PIKFYVE: variants seen among roughly 807,000 people sequenced by gnomAD.
PIKFYVE encodes 1-phosphatidylinositol 3-phosphate 5-kinase.
PIKFYVE carries 122 observed loss-of-function variants against 257.9 expected under a neutral mutation model. That is an observed-to-expected ratio of 0.47 (90% CI 0.41 to 0.55). The LOEUF is 0.55. Ranked by LOEUF, PIKFYVE falls within the 20% of genes least tolerant of loss-of-function variation. The pLI, the probability that PIKFYVE is intolerant of heterozygous loss-of-function variation, is 0.00. For missense variants in PIKFYVE, 2,160 were observed against 2,536.6 expected, an observed-to-expected ratio of 0.85 and a Z score of 3.19; for synonymous variants, 892 against 868.9, an observed-to-expected ratio of 1.03 and a Z score of -0.47.
intron 8 of PIKFYVE, 24 bp downstream of exon 8, chr2:208,298,803 C>G: frequency 6.2e-7 from 1 of 1,613,166 alleles, no homozygotes; most frequent in Non-Finnish European, 8.5e-7. Flanking sequence ...ATCTTTGACC[C>G]ATTGCTAGTT....
chr2:208,301,590 A>G (rs1693691132), intron 9 of PIKFYVE, among the ~76,000 whole-genome samples: 1 of 152,256 alleles, frequency 6.6e-6, no homozygotes, highest in Admixed American at 6.5e-5. Flanking sequence ...TCATGGGAAG[A>G]AAAAGGTACG....
In PIKFYVE at chr2:208,277,661, G is replaced by A. The variant is rs1393095004; in HGVS notation, c.566G>A (p.Ser189Asn). The change falls in exon 5 of 42, where the codon AGT (serine) becomes AAT (asparagine). Residue 189 changes from serine to asparagine, a missense_variant. Around this residue, in one of 12 missense-constraint regions of PIKFYVE, gnomAD observed 28 missense variants for 68.2 expected, o/e 0.41. Transcript: ENST00000264380. Reference protein sequence around the residue: ...HCRLCGQIFCSRCCNQEIPGK... With the variant: ...HCRLCGQIFCNRCCNQEIPGK... ...CGACTATGTGGGCAGATTTTCTGCA[G>A]TCGTTGCTGTAATCAAGAAATCCCT... 3 of 1,613,800 alleles carry A rather than the reference G, an allele frequency of 1.9e-6. No individual in the cohort carries two copies. The Admixed American group carries it at 5.0e-5, about 27-fold the overall frequency.
At chr2:208,344,985 AATT>A in intron 32 of PIKFYVE, 123 bp from the exon 33 acceptor site, 1 of 707,704 alleles carries the variant, frequency 1.4e-6, no homozygotes, top group Non-Finnish European at 2.4e-6. Context: ...AGTTAACCAA[AATT>A]ATTTAATTAT....
chr2:208,315,232 G>C lies in PIKFYVE; in HGVS notation c.1866G>C (p.Gln622His), dbSNP rs1417301954. Reference protein sequence around the residue: ...NHNHMMALLQQLLHSDSLSSS... With the variant: ...NHNHMMALLQHLLHSDSLSSS... ...ACCACATGATGGCACTACTCCAGCA[G>C]TTGCTCCATAGTGACTCACTGTCAT... The change falls in exon 15 of 42, where the codon CAG becomes CAC. Residue 622 changes from glutamine (Q) to histidine (H), a missense_variant. Physicochemically the swap from Gln to His is conservative, Grantham distance 24. Around this residue, in one of 12 missense-constraint regions of PIKFYVE, gnomAD observed 346 missense variants for 365.6 expected, o/e 0.95. Coordinates refer to ENST00000264380, the MANE Select transcript of PIKFYVE (RefSeq NM_015040.4). 8 of 1,613,984 alleles carry C rather than the reference G, an allele frequency of 5.0e-6. No homozygotes were observed. Among genetic ancestry groups the C allele is most frequent in the Non-Finnish European group, 5.9e-6 (7 of 1,180,000 alleles).
At chr2:208,343,587 A>T (rs1468654122) in intron 32 of PIKFYVE, among the ~76,000 whole-genome samples, 1 of 152,204 alleles carries the variant, frequency 6.6e-6, no homozygotes, top group East Asian at 1.9e-4. Context: ...AATATACTAC[A>T]ACAAAAGTTA....
chr2:208,345,811 G>A (rs1465923250), intron 33 of PIKFYVE, among the ~76,000 whole-genome samples: 2 of 152,058 alleles, frequency 1.3e-5, no homozygotes, highest in East Asian at 3.8e-4. Context: ...GAAACATAAT[G>A]TATTCCTCCA....
chr2:208,305,466 A>G (rs1259483763), intron 12 of PIKFYVE: 3 of 943,080 alleles, frequency 3.2e-6, no homozygotes, highest in African/African-American at 1.8e-5. Flanking sequence ...TCATTCACAC[A>G]TTCCAAAATA....
rs1339666509 is a variant in PIKFYVE at position 208,324,139 on chromosome 2, TAGGAA to T, written c.2192_2196del (p.Glu731GlyfsTer12). 6.2e-7 allele frequency: 1 copy of T among 1,612,880 alleles called. No homozygotes were observed. The highest frequency in any genetic ancestry group is 8.5e-7 in the Non-Finnish European group (1 of 1,178,868). The stretch of plus-strand genomic sequence containing the variant: ...TGTAATATTTCTGATTTATCTTACT[TAGGAA>T]AGGGAATTCTTGAAGAATTATGTCC... On this transcript the variant is annotated splice_acceptor_variant and coding_sequence_variant, in exon 18 of 42. Transcript: ENST00000264380. LOFTEE classifies it high-confidence loss of function.
At chr2:208,306,995 T>C (rs1694405154) in intron 12 of PIKFYVE, among the ~76,000 whole-genome samples, 1 of 152,136 alleles carries the variant, frequency 6.6e-6, no homozygotes, top group Non-Finnish European at 1.5e-5. Context: ...GCCAGGCTGG[T>C]CTTGAACTCC....
intron 20 of PIKFYVE, 77 bp downstream of exon 20, chr2:208,326,506 T>G: frequency 6.7e-7 from 1 of 1,486,184 alleles, no homozygotes; most frequent in Non-Finnish European, 9.3e-7. Flanking sequence ...GCTAAAAAAA[T>G]CAGTTTGGCA....
intron 1 of PIKFYVE, among the ~76,000 whole-genome samples, chr2:208,266,722 T>C (rs1407948432): frequency 1.3e-5 from 2 of 152,184 alleles, no homozygotes; most frequent in African/African-American, 2.4e-5. Flanking sequence ...TGAACTTAAT[T>C]AGGAGGGGAA....
chr2:208,307,586 TTTA>T (rs1694479092), intron 12 of PIKFYVE, among the ~76,000 whole-genome samples: 1 of 152,024 alleles, frequency 6.6e-6, no homozygotes. Context: ...TTTTTTTTTT[TTTA>T]AAGATGGGTT....
chr2:208,325,540 C>T lies in PIKFYVE; in HGVS notation c.2729C>T (p.Ser910Phe), dbSNP rs757784427. 2 of 1,614,124 alleles carry T rather than the reference C, an allele frequency of 1.2e-6. No homozygotes were observed. Among genetic ancestry groups the T allele is most frequent in the Admixed American group, 3.3e-5 (2 of 60,018 alleles). ...GTCCAAGAGCAGTACGGTGGAGGTT[C>T]CATCCCCTGGGATCCTGACATCCCT... is the stretch of plus-strand genomic sequence containing the variant. ...GAVQEQYGGGSIPWDPDIPPE... is the reference protein window; with the variant it reads ...GAVQEQYGGGFIPWDPDIPPE... The change falls in exon 20 of 42, where the codon TCC (serine) becomes TTC (phenylalanine). Residue 910 changes from serine (S) to phenylalanine (F), a missense_variant. Physicochemically the swap from Ser to Phe is radical, Grantham distance 155. Around this residue, in one of 12 missense-constraint regions of PIKFYVE, gnomAD observed 522 missense variants for 514.6 expected, o/e 1.01. Coordinates refer to ENST00000264380, the MANE Select transcript of PIKFYVE (RefSeq NM_015040.4).
intron 17 of PIKFYVE, among the ~76,000 whole-genome samples, chr2:208,320,987 A>C (rs1696139200): frequency 1.3e-5 from 2 of 152,212 alleles, no homozygotes. Flanking sequence ...TCAGAGCTCC[A>C]TTTCTAGTTG....
intron 12 of PIKFYVE, among the ~76,000 whole-genome samples, chr2:208,311,243 T>G (rs1025220266): frequency 3.3e-5 from 5 of 152,192 alleles, no homozygotes; most frequent in Non-Finnish European, 2.9e-5. Context: ...GATTTGGTGT[T>G]ACTCATTCCT....
intron 3 of PIKFYVE, among the ~76,000 whole-genome samples, chr2:208,276,463 A>G (rs1012099959): frequency 2.0e-5 from 3 of 152,176 alleles, no homozygotes; most frequent in African/African-American, 4.8e-5. Flanking sequence ...AAAACCATCA[A>G]TGGTCTCAGA....
At chr2:208,345,952 A>G (rs1272721992) in intron 33 of PIKFYVE, 98 bp from the exon 34 acceptor site, 1 of 818,862 alleles carries the variant, frequency 1.2e-6, no homozygotes, top group Non-Finnish European at 2.1e-6. Context: ...TTAGGTAGGA[A>G]GTAAATCAGT....
intron 39 of PIKFYVE, among the ~76,000 whole-genome samples, chr2:208,353,466 T>C (rs977986183): frequency 1.3e-5 from 2 of 152,184 alleles, no homozygotes; most frequent in Non-Finnish European, 2.9e-5. Flanking sequence ...TCCTGTGTTA[T>C]GCTCTTCTAC....
At chr2:208,317,479 C>A (rs1424005156) in intron 15 of PIKFYVE, among the ~76,000 whole-genome samples, 1 of 151,928 alleles carries the variant, frequency 6.6e-6, no homozygotes, top group Non-Finnish European at 1.5e-5. Flanking sequence ...TATGTGTGGC[C>A]CAATACAATT....
Sources: gnomAD v4.1 joint callset for allele counts (sites outside exome capture counted in the v4.1 genomes callset) on GRCh38, gnomAD v4.1.1 for gene constraint, gnomAD v4.1.1 regional missense constraint, MANE v1.5 for transcripts, NCBI Gene and HGNC (gene_info 2026-07-23, HGNC 2026-07-21) for gene names.